Variants in RAB40C observed in about 807,000 individuals in gnomAD.
RAB40C encodes the protein ras-related protein Rab-40C.
RAB40C carries 8 observed loss-of-function variants against 28.1 expected under a neutral mutation model. The observed-to-expected ratio is 0.28, with a 90% CI of 0.17 to 0.51. The LOEUF is 0.51. Ranked by LOEUF, RAB40C falls within the 20% of genes least tolerant of loss-of-function variation. The probability of loss-of-function intolerance (pLI) is 0.97; values close to 1 mark genes in which losing one functional copy is unlikely to be tolerated. For synonymous variants in RAB40C, 201 were observed against 171.7 expected (o/e 1.17, Z -1.34); for missense variants, 288 against 405.9 (o/e 0.71, Z 2.50).
At chr16:601,754 C>T (rs1244421273) in intron 1 of RAB40C, among the ~76,000 whole-genome samples, 4 of 148,098 alleles carry the variant, frequency 2.7e-5, no homozygotes, top group African/African-American at 5.0e-5. Flanking sequence ...GGCAGGCGAT[C>T]CCCTGAGGCC....
intron 2 of RAB40C, among the ~76,000 whole-genome samples, chr16:617,892 C>T (rs570401647): frequency 3.9e-5 from 6 of 152,270 alleles, no homozygotes; most frequent in East Asian, 1.9e-4. Flanking sequence ...GTTGATGAGA[C>T]GTGAATGTCC....
Position 596,903 on chromosome 16 carries a change from C to G in RAB40C, c.142+6470C>G, listed in dbSNP as rs541154246. ...GAGCCGACCTGGGGATGGCGGCGCA[C>G]TCTGATACAGGCAGTGCGCGGCTGT... On this transcript the variant is annotated intron_variant, in intron 1 of 5. Transcript: ENST00000248139. Among the ~76,000 whole-genome samples, 6 of 152,316 alleles carry G rather than the reference C, an allele frequency of 3.9e-5. 1 individual carries two copies. Among genetic ancestry groups the G allele is most frequent in the African/African-American group, 1.2e-4 (5 of 41,558 alleles).
intron 1 of RAB40C, among the ~76,000 whole-genome samples, chr16:606,445 G>A (rs1438222679): frequency 1.2e-5 from 1 of 82,920 alleles, no homozygotes; most frequent in Non-Finnish European, 2.5e-5. Flanking sequence ...CAGTCCTCTC[G>A]GTCCTCAGTC....
intron 3 of RAB40C, among the ~76,000 whole-genome samples, chr16:621,583 A>G (rs2036718075): frequency 6.6e-6 from 1 of 152,190 alleles, no homozygotes; most frequent in Non-Finnish European, 1.5e-5. Flanking sequence ...CCTAGACTTC[A>G]TGGTCGTGTT....
At chr16:615,716 C>CT (rs1438074857) in intron 1 of RAB40C, among the ~76,000 whole-genome samples, 5 of 152,204 alleles carry the variant, frequency 3.3e-5, no homozygotes, top group Admixed American at 2.6e-4. Context: ...AATCCCAGCA[C>CT]TTTGGGAGGC....
chr16:611,163 T>C (rs2036474991), intron 1 of RAB40C, among the ~76,000 whole-genome samples: 1 of 152,182 alleles, frequency 6.6e-6, no homozygotes, highest in South Asian at 2.1e-4. Context: ...CAAGGTGCTC[T>C]AGAGGCCCCG....
chr16:597,964 A>AG (rs397736782), intron 1 of RAB40C, among the ~76,000 whole-genome samples: 1 of 148,014 alleles, frequency 6.8e-6, no homozygotes, highest in East Asian at 2.0e-4. Context: ...AAAAAAAAAA[A>AG]GGCCGGGTGC....
intron 3 of RAB40C, 125 bp downstream of exon 3, chr16:618,385 T>A: frequency 1.0e-6 from 1 of 998,610 alleles, no homozygotes. Context: ...ATTCTCACAT[T>A]GGTTTGTTTA....
rs754308603 is a variant in RAB40C at position 590,265 on chromosome 16, CCGGCGCGGGGCGCAGG to C, written c.-18_-3del. On this transcript the variant is annotated 5_prime_UTR_variant, in exon 1 of 6. Coordinates refer to ENST00000248139, the MANE Select transcript of RAB40C (RefSeq NM_021168.5). Reference sequence around the variant, plus strand: ...CACCCGGCGGTGCTTCGGCAGGCGGCCGGCGCGGGGCGCAGGCGGCGCGGCCATGGGCTCGCAGGGC... The same window carrying C: ...CACCCGGCGGTGCTTCGGCAGGCGGCCGGCGCGGCCATGGGCTCGCAGGGC... The C allele has an allele frequency of 2.1e-6, 3 of 1,442,314 alleles. No homozygotes were observed. Among genetic ancestry groups the C allele is most frequent in the East Asian group, 6.1e-5 (2 of 33,000 alleles). The allele number at this position is 1,442,314 out of a possible 1,614,324, so 89.3% of individuals were successfully genotyped here.
chr16:620,396 A>G (rs2036686290), intron 3 of RAB40C, among the ~76,000 whole-genome samples: 1 of 152,246 alleles, frequency 6.6e-6, no homozygotes, highest in African/African-American at 2.4e-5. Context: ...CATCTCAAAA[A>G]AAAAGGAGGA....
At position 610,082 on chromosome 16, in the gene RAB40C, C is replaced by G. The variant is rs957905148; in HGVS notation, c.143-7126C>G. On this transcript the variant is annotated intron_variant, in intron 1 of 5. Coordinates refer to ENST00000248139, the MANE Select transcript of RAB40C (RefSeq NM_021168.5). The surrounding 1 kb of genome is among the most constrained non-coding windows in gnomAD (Gnocchi z 4.6). ...CAGATGTAGCCTCATACCAGCCCAG[C>G]TGGGAGTCCGCTTGCTGAGACTTGG... is the stretch of plus-strand genomic sequence containing the variant. Among the ~76,000 whole-genome samples the G allele has an allele frequency of 2.0e-5, 3 of 152,232 alleles. No individual in the cohort carries two copies. The highest frequency in any genetic ancestry group is 7.2e-5 in the African/African-American group (3 of 41,462).
chr16:590,133 CGGGCG>C lies in RAB40C; in HGVS notation c.-149_-145del. 3.7e-6 allele frequency: 1 copy of C among 270,304 alleles called. No individual in the cohort carries two copies. Among genetic ancestry groups the C allele is most frequent in the Non-Finnish European group, 5.5e-6 (1 of 182,402 alleles). 16.7% of individuals were successfully genotyped at this position (270,304 alleles called of 1,614,324 possible). A position where few individuals can be genotyped will look rare whatever the true frequency, so the allele number is the denominator to read the frequency against. On this transcript the variant is annotated 5_prime_UTR_variant, in exon 1 of 6. Transcript: ENST00000248139. Reference sequence around the variant, plus strand: ...GGCGAGGCTGAGGTGCGCCCGGGCGCGGGCGGGGCGGGGCCGGCGCTGGGCTTCGG... The same window carrying C: ...GGCGAGGCTGAGGTGCGCCCGGGCGCGGGCGGGGCCGGCGCTGGGCTTCGG...
chr16:613,394 C>T (rs554130630), intron 1 of RAB40C, among the ~76,000 whole-genome samples: 1 of 148,976 alleles, frequency 6.7e-6, no homozygotes, highest in African/African-American at 2.5e-5. Flanking sequence ...CTGCCGCCCT[C>T]GCCTGTAGAA....
intron 1 of RAB40C, among the ~76,000 whole-genome samples, chr16:604,301 G>A (rs2036314730): frequency 6.6e-6 from 1 of 152,052 alleles, no homozygotes; most frequent in Non-Finnish European, 1.5e-5. Flanking sequence ...CCATATGTAG[G>A]GATACAGTTC....
intron 1 of RAB40C, among the ~76,000 whole-genome samples, chr16:594,364 A>G (rs1344080078): frequency 1.3e-5 from 2 of 152,140 alleles, no homozygotes; most frequent in African/African-American, 2.4e-5. Context: ...GGTTGTGGAC[A>G]TGGCGAGGCT....
chr16:624,138 G>A (rs1194881702), intron 3 of RAB40C: 9 of 985,332 alleles, frequency 9.1e-6, no homozygotes, highest in Non-Finnish European at 7.2e-6. Context: ...GTTGTTATCA[G>A]CGCCACTGTG....
chr16:609,080 A>T (rs1371016943), intron 1 of RAB40C, among the ~76,000 whole-genome samples: 1 of 152,170 alleles, frequency 6.6e-6, no homozygotes, highest in Non-Finnish European at 1.5e-5. Context: ...TCACCACTGC[A>T]CTCCAGCCTG....
intron 2 of RAB40C, among the ~76,000 whole-genome samples, chr16:617,736 A>G (rs12924517): frequency 3.3e-5 from 5 of 152,160 alleles, no homozygotes; most frequent in Admixed American, 2.0e-4. Context: ...CCAGCCACTC[A>G]GGAGGCTGAG....
chr16:595,927 A>G (rs1353936394), intron 1 of RAB40C, among the ~76,000 whole-genome samples: 1 of 152,166 alleles, frequency 6.6e-6, no homozygotes, highest in East Asian at 1.9e-4. Flanking sequence ...TATAAGTTGG[A>G]CTGGCATGGC....
Sources: gnomAD v4.1 joint callset for allele counts (sites outside exome capture counted in the v4.1 genomes callset) on GRCh38, gnomAD v4.1.1 for gene constraint, Gnocchi (gnomAD v3.1) non-coding constraint, MANE v1.5 for transcripts, NCBI Gene and HGNC (gene_info 2026-07-23, HGNC 2026-07-21) for gene names.